Variants in ELAVL2 observed in about 807,000 individuals in gnomAD.
ELAVL2 encodes the protein ELAV-like protein 2.
A neutral mutation model predicts 34.6 loss-of-function variants in ELAVL2; 4 were observed. That is an observed-to-expected ratio of 0.12 (90% CI 0.06 to 0.26). The LOEUF (loss-of-function observed/expected upper bound fraction) is 0.26. Among genes scored for constraint, ELAVL2 ranks in the 10% least tolerant of loss-of-function variants. The pLI is 1.00. For synonymous variants in ELAVL2, 193 were observed against 154.8 expected (o/e 1.25, Z -1.83); for missense variants, 432 against 442.8 (o/e 0.98, Z 0.22).
At chr9:23,775,140 G>A (rs1035961247) in intron 1 of ELAVL2, among the ~76,000 whole-genome samples, 1 of 152,180 alleles carries the variant, frequency 6.6e-6, no homozygotes, top group Non-Finnish European at 1.5e-5. Context: ...GCCTTCTGGA[G>A]AATCCAACGA....
intron 3 of ELAVL2, among the ~76,000 whole-genome samples, chr9:23,706,962 C>T (rs17481822): frequency 0.18 from 27,490 of 152,122 alleles, 2,798 homozygotes; most frequent in South Asian, 0.35. Context: ...TTATTCAAAC[C>T]GTTTGCTCAT....
intron 3 of ELAVL2, among the ~76,000 whole-genome samples, chr9:23,712,937 C>A (rs2041365312): frequency 6.6e-6 from 1 of 152,178 alleles, no homozygotes; most frequent in African/African-American, 2.4e-5. Flanking sequence ...TATCAAGCAA[C>A]TGATCATCAA....
chr9:23,823,391 A>G (rs2065070028), intron 1 of ELAVL2, among the ~76,000 whole-genome samples: 2 of 152,202 alleles, frequency 1.3e-5, no homozygotes, highest in Admixed American at 1.3e-4. Context: ...AAATTATGGG[A>G]GAGCTCTCAG....
At chr9:23,726,778 T>C (rs1426430743) in intron 3 of ELAVL2, among the ~76,000 whole-genome samples, 2 of 150,440 alleles carry the variant, frequency 1.3e-5, no homozygotes, top group African/African-American at 4.9e-5. Context: ...GTCAAAAGTA[T>C]TGGCTTTAAG....
chr9:23,757,776 C>T (rs796659171), intron 2 of ELAVL2, among the ~76,000 whole-genome samples: 8 of 152,068 alleles, frequency 5.3e-5, no homozygotes, highest in African/African-American at 1.9e-4. Context: ...AGAACTTAGT[C>T]TAGAGAGAAG....
chr9:23,707,057 A>T (rs1376096234), intron 3 of ELAVL2, among the ~76,000 whole-genome samples: 1 of 152,214 alleles, frequency 6.6e-6, no homozygotes, highest in African/African-American at 2.4e-5. Flanking sequence ...AGAAACAAGG[A>T]ATTTGGAATA....
intron 2 of ELAVL2, among the ~76,000 whole-genome samples, chr9:23,733,639 G>A (rs571188164): frequency 1.3e-5 from 2 of 152,124 alleles, no homozygotes; most frequent in African/African-American, 4.8e-5. Flanking sequence ...TCTGTCTGGG[G>A]CACAAGAGTG....
intron 1 of ELAVL2, among the ~76,000 whole-genome samples, chr9:23,799,362 A>G (rs1203184245): frequency 6.6e-6 from 1 of 152,166 alleles, no homozygotes; most frequent in Non-Finnish European, 1.5e-5. Flanking sequence ...ATTTTAAGAG[A>G]TAAGAAACCC....
At chr9:23,754,582 G>C (rs1033768240) in intron 2 of ELAVL2, among the ~76,000 whole-genome samples, 1 of 151,882 alleles carries the variant, frequency 6.6e-6, no homozygotes. Context: ...CCTCAGCCTT[G>C]TGAGTACCTG....
chr9:23,737,451 G>T (rs1315673815), intron 2 of ELAVL2, among the ~76,000 whole-genome samples: 1 of 152,180 alleles, frequency 6.6e-6, no homozygotes, highest in South Asian at 2.1e-4. Context: ...CCATTAAGAT[G>T]AAGTCTCAAT....
intron 3 of ELAVL2, among the ~76,000 whole-genome samples, chr9:23,709,438 C>G (rs961952630): frequency 6.7e-6 from 1 of 149,852 alleles, no homozygotes; most frequent in African/African-American, 2.4e-5. Context: ...TACCAGCAAC[C>G]TTCTCCATTC....
At chr9:23,749,754 A>G (rs952860530) in intron 2 of ELAVL2, among the ~76,000 whole-genome samples, 26 of 152,222 alleles carry the variant, frequency 1.7e-4, no homozygotes, top group African/African-American at 6.3e-4. Flanking sequence ...GAGAAGTGGG[A>G]CTTTACCAAG....
intron 2 of ELAVL2, among the ~76,000 whole-genome samples, chr9:23,733,172 T>TAAAAAAAAAAAAAAAA (rs397953305): frequency 9.6e-6 from 1 of 104,584 alleles, no homozygotes; most frequent in Non-Finnish European, 2.0e-5. Flanking sequence ...CTAGAAAGCT[T>TAAAAAAAAAAAAAAAA]AAAAAAAAAA....
At chr9:23,850,505 A>T in the ELAVL2 span, among the ~76,000 whole-genome samples, 1 of 151,924 alleles carries the variant, frequency 6.6e-6, no homozygotes, top group Non-Finnish European at 1.5e-5. Flanking sequence ...TTCGAGCTGC[A>T]CAATAGCCCC....
In ELAVL2 at chr9:23,818,332, G is replaced by A. The variant is rs117075537; in HGVS notation, c.-16+7474C>T. Among the ~76,000 whole-genome samples the A allele has an allele frequency of 4.1e-3, 622 of 152,228 alleles. 6 individuals carry two copies. The highest frequency in any genetic ancestry group is 5.8e-3 in the Non-Finnish European group (397 of 67,996). On this transcript the variant is annotated intron_variant, in intron 1 of 6. Coordinates refer to ENST00000397312, the MANE Select transcript of ELAVL2 (RefSeq NM_004432.5). ...AACCAGGAAAAGCTACGTAATCTGTGGGTCCCAGTGCAAGATGAAAATGCA... is the reference window on the plus strand; with the variant it reads ...AACCAGGAAAAGCTACGTAATCTGTAGGTCCCAGTGCAAGATGAAAATGCA...
chr9:23,701,965 T>C (rs1453062335), intron 4 of ELAVL2, among the ~76,000 whole-genome samples: 1 of 152,128 alleles, frequency 6.6e-6, no homozygotes, highest in Non-Finnish European at 1.5e-5. Flanking sequence ...ATTTTTCAAT[T>C]TGTGCTATTG....
At chr9:23,774,612 T>C (rs1248749250) in intron 1 of ELAVL2, among the ~76,000 whole-genome samples, 1 of 152,138 alleles carries the variant, frequency 6.6e-6, no homozygotes, top group African/African-American at 2.4e-5. Context: ...CAGCCTTGCC[T>C]ATTTTAATTT....
chr9:23,752,180 AG>A (rs2052248275), intron 2 of ELAVL2, among the ~76,000 whole-genome samples: 3 of 152,214 alleles, frequency 2.0e-5, no homozygotes, highest in Non-Finnish European at 4.4e-5. Flanking sequence ...AAAGAGAGAC[AG>A]TACCCCTGTG....
chr9:23,701,244 G>T, intron 5 of ELAVL2, 135 bp downstream of exon 5: 1 of 940,378 alleles, frequency 1.1e-6, no homozygotes, highest in Non-Finnish European at 1.6e-6. Context: ...CCATGGAGAT[G>T]AAAAATTAAT....
Sources: allele counts gnomAD v4.1 joint callset (sites outside exome capture counted in the v4.1 genomes callset), GRCh38; gene constraint gnomAD v4.1.1; transcripts MANE v1.5; gene names NCBI Gene and HGNC (gene_info 2026-07-23, HGNC 2026-07-21).